The following VTI1A variants were observed in gnomAD, a reference collection of about 807,000 sequenced individuals.
VTI1A encodes vesicle transport through interaction with t-SNAREs 1A, also known as vesicle transport through interaction with t-SNAREs homolog 1A.
A neutral mutation model predicts 34.9 loss-of-function variants in VTI1A; 22 were observed. The ratio of observed to expected loss-of-function variants is 0.63; its 90% confidence interval spans 0.45 to 0.90. VTI1A has a LOEUF of 0.90. VTI1A is among the 40% of genes least tolerant of loss of function. The pLI, the probability that VTI1A is intolerant of heterozygous loss-of-function variation, is 0.00. For synonymous variants in VTI1A, 87 were observed against 97.3 expected (o/e 0.89, Z 0.62); for missense variants, 268 against 275.6 (o/e 0.97, Z 0.20).
intron 5 of VTI1A, among the ~76,000 whole-genome samples, chr10:112,582,427 C>G (rs932541276): frequency 6.6e-6 from 1 of 152,142 alleles, no homozygotes; most frequent in Non-Finnish European, 1.5e-5. Flanking sequence ...CAAGTACATT[C>G]CTTCCACCCC....
downstream of VTI1A, chr10:112,823,737 T>C (rs950719787): frequency 6.6e-6 from 1 of 152,152 alleles, no homozygotes; most frequent in Admixed American, 6.5e-5. Flanking sequence ...CTGAACTCCT[T>C]TGTGAGGGGA....
intron 5 of VTI1A, among the ~76,000 whole-genome samples, chr10:112,557,600 A>G (rs936435701): frequency 6.6e-6 from 1 of 152,222 alleles, no homozygotes; most frequent in South Asian, 2.1e-4. Flanking sequence ...TGAAAACAGC[A>G]TTACTGAATA....
chr10:112,590,295 T>A (rs1589944350), intron 5 of VTI1A, among the ~76,000 whole-genome samples: 1 of 151,934 alleles, frequency 6.6e-6, no homozygotes, highest in Non-Finnish European at 1.5e-5. Context: ...ATTGGTTGTA[T>A]GGATGAATGT....
chr10:112,447,786 G>A (rs1846968801), intron 1 of VTI1A, among the ~76,000 whole-genome samples: 3 of 152,150 alleles, frequency 2.0e-5, no homozygotes, highest in Admixed American at 6.5e-5. Context: ...ATAGACATGT[G>A]AGTATTCAAA....
intron 7 of VTI1A, among the ~76,000 whole-genome samples, chr10:112,727,032 A>C (rs1850055575): frequency 6.6e-6 from 1 of 152,224 alleles, no homozygotes; most frequent in Non-Finnish European, 1.5e-5. Context: ...ACATGCAAGC[A>C]TATGGTCCTT....
chr10:112,772,345 ATCT>A (rs1349681885), intron 7 of VTI1A, among the ~76,000 whole-genome samples: 2 of 152,176 alleles, frequency 1.3e-5, no homozygotes, highest in African/African-American at 4.8e-5. Flanking sequence ...TCATTGTTAT[ATCT>A]TCTTTGGAGA....
chr10:112,835,828 T>G, the VTI1A span, among the ~76,000 whole-genome samples: 1 of 152,150 alleles, frequency 6.6e-6, no homozygotes. Context: ...TTCTCAGATA[T>G]ATTGGGGTAG....
chr10:112,549,010 T>C, intron 5 of VTI1A: 2 of 603,732 alleles, frequency 3.3e-6, no homozygotes, highest in South Asian at 4.1e-5. Flanking sequence ...CTTCAAGAAA[T>C]ATTTTGAGTG....
chr10:112,650,408 C>G (rs934318337), intron 5 of VTI1A, among the ~76,000 whole-genome samples: 2 of 152,146 alleles, frequency 1.3e-5, no homozygotes, highest in South Asian at 4.1e-4. Flanking sequence ...ATAACAATGC[C>G]TTCTTCTGGA....
the VTI1A span, chr10:112,831,542 C>CT: frequency 1.3e-5 from 2 of 152,326 alleles, no homozygotes; most frequent in African/African-American, 2.4e-5. Context: ...AGCAGCTTCA[C>CT]AAGGCTAGTC....
chr10:112,736,826 G>A (rs967864525), intron 7 of VTI1A: 40 of 1,209,766 alleles, frequency 3.3e-5, no homozygotes, highest in Non-Finnish European at 4.5e-5. Flanking sequence ...CCTTCAATGA[G>A]AAGCCTTCTC....
intron 4 of VTI1A, among the ~76,000 whole-genome samples, chr10:112,536,450 A>G (rs1850616055): frequency 6.6e-6 from 1 of 152,190 alleles, no homozygotes; most frequent in Admixed American, 6.5e-5. Flanking sequence ...AAAGTGTTTA[A>G]TTTTATTTAA....
chr10:112,579,085 C>A (rs1211924648), intron 5 of VTI1A, among the ~76,000 whole-genome samples: 1 of 152,202 alleles, frequency 6.6e-6, no homozygotes, highest in Non-Finnish European at 1.5e-5. Context: ...GTATCAGCAA[C>A]ATGGAAGATA....
intron 3 of VTI1A, among the ~76,000 whole-genome samples, chr10:112,474,596 T>C (rs1221458738): frequency 1.3e-5 from 2 of 151,846 alleles, no homozygotes; most frequent in African/African-American, 4.8e-5. Context: ...GGTGGGACTA[T>C]TGGTGCAAGC....
the VTI1A span, among the ~76,000 whole-genome samples, chr10:112,853,700 A>G: frequency 6.6e-6 from 1 of 152,134 alleles, no homozygotes; most frequent in Non-Finnish European, 1.5e-5. Flanking sequence ...ATCCATTTCA[A>G]TGGAGGAAAA....
chr10:112,853,079 C>G, the VTI1A span, among the ~76,000 whole-genome samples: 1 of 152,200 alleles, frequency 6.6e-6, no homozygotes, highest in Admixed American at 6.5e-5. Context: ...CCACCGCGCC[C>G]GGCCAGGGCT....
At position 112,447,395 on chromosome 10, in the gene VTI1A, T is replaced by A; in HGVS notation, c.22T>A (p.Tyr8Asn). 6.2e-7 allele frequency: 1 copy of A among 1,613,650 alleles called. No individual in the cohort carries two copies. The stretch of plus-strand genomic sequence containing the variant: ...CGCCATGTCGTCCGACTTCGAAGGT[T>A]ACGAGCAGGACTTCGCGGTGCTCAC... The part of the protein sequence containing the change: MSSDFEG[Y>N]EQDFAVLTAE... The change falls in exon 1 of 8, where the codon TAC becomes AAC. Residue 8 changes from tyrosine (Y) to asparagine (N), a missense_variant. Coordinates refer to ENST00000393077, the MANE Select transcript of VTI1A (RefSeq NM_145206.4).
At chr10:112,720,111 A>G (rs1299555749) in intron 7 of VTI1A, among the ~76,000 whole-genome samples, 1 of 152,210 alleles carries the variant, frequency 6.6e-6, no homozygotes, top group African/African-American at 2.4e-5. Flanking sequence ...CCATTTATCA[A>G]TTGATGAACA....
chr10:112,453,432 T>C (rs1344636693), intron 1 of VTI1A, among the ~76,000 whole-genome samples: 1 of 151,064 alleles, frequency 6.6e-6, no homozygotes, highest in East Asian at 1.9e-4. Context: ...AGCCAAGTAA[T>C]TACGTGAATT....
Sources: gnomAD v4.1 joint callset for allele counts (sites outside exome capture counted in the v4.1 genomes callset) on GRCh38, gnomAD v4.1.1 for gene constraint, MANE v1.5 for transcripts, NCBI Gene and HGNC (gene_info 2026-07-23, HGNC 2026-07-21) for gene names.